The following SNX1 variants were observed in gnomAD, a reference collection of about 807,000 sequenced individuals.
SNX1 encodes sorting nexin-1.
In SNX1, 36 loss-of-function variants were observed where a neutral mutation model predicts 71.8. The ratio of observed to expected loss-of-function variants is 0.50; its 90% confidence interval spans 0.38 to 0.66. SNX1 has a LOEUF of 0.66. Among genes scored for constraint, SNX1 ranks in the 30% least tolerant of loss-of-function variants. The pLI, the probability that SNX1 is intolerant of heterozygous loss-of-function variation, is 0.00. For synonymous variants in SNX1, 254 were observed against 240.7 expected (o/e 1.06, Z -0.51); for missense variants, 612 against 646.7 (o/e 0.95, Z 0.58).
intron 5 of SNX1, among the ~76,000 whole-genome samples, chr15:64,124,147 C>CATATATCTATATATATATAT (rs1555491929): frequency 9.5e-6 from 1 of 105,434 alleles, no homozygotes; most frequent in Non-Finnish European, 1.7e-5. Flanking sequence ...GAAATCTTTA[C>CATATATCTATATATATATAT]ATATATATAT....
At chr15:64,127,654 C>A in intron 7 of SNX1, 77 bp from the exon 8 acceptor site, 2 of 996,234 alleles carry the variant, frequency 2.0e-6, no homozygotes, top group South Asian at 1.4e-5. Context: ...GACATGGTAT[C>A]ACTGCCAGCA....
rs1347450821 is a variant in SNX1, at chr15:64,138,188, C to T, written c.*570C>T. 1.3e-6 allele frequency: 2 copies of T among 1,534,894 alleles called. No homozygotes were observed. The highest frequency in any genetic ancestry group is 2.4e-5 in the East Asian group (1 of 40,914). On this transcript the variant is annotated 3_prime_UTR_variant, in exon 15 of 15. Coordinates refer to ENST00000559844, the MANE Select transcript of SNX1 (RefSeq NM_003099.5). ...TCTTTCTCTCCGCCTACCTCAGCTA[C>T]CTGTTCTGAGGGTCTCAATCTGTTT...
intron 1 of SNX1, among the ~76,000 whole-genome samples, chr15:64,101,499 T>G (rs1245050986): frequency 1.2e-4 from 19 of 152,380 alleles, no homozygotes; most frequent in Non-Finnish European, 1.0e-4. Flanking sequence ...ACATTTTATT[T>G]ATCTGCCAGT....
chr15:64,128,611 T>C (rs2081276813), intron 8 of SNX1, among the ~76,000 whole-genome samples: 1 of 151,992 alleles, frequency 6.6e-6, no homozygotes, highest in Non-Finnish European at 1.5e-5. Flanking sequence ...AATGAGGGGG[T>C]TTTCTCCTCT....
At chr15:64,126,349 G>A in intron 6 of SNX1, 129 bp downstream of exon 6, 1 of 1,067,554 alleles carries the variant, frequency 9.4e-7, no homozygotes, top group East Asian at 2.6e-5. Context: ...CATTTCCAGT[G>A]TTTTCCTACA....
chr15:64,109,350 A>G (rs552670502), intron 1 of SNX1, among the ~76,000 whole-genome samples: 48 of 152,292 alleles, frequency 3.2e-4, no homozygotes, highest in African/African-American at 1.1e-3. Flanking sequence ...ATTAAAGAAA[A>G]AAAAAGAAAA....
At chr15:64,120,338 C>G (rs1045033393) in intron 4 of SNX1, among the ~76,000 whole-genome samples, 4 of 133,716 alleles carry the variant, frequency 3.0e-5, no homozygotes, top group Non-Finnish European at 6.1e-5. Context: ...GTGGTATGAT[C>G]ACAGCTCACT....
intron 1 of SNX1, among the ~76,000 whole-genome samples, chr15:64,109,022 G>A (rs1032716713): frequency 6.6e-6 from 1 of 151,642 alleles, no homozygotes; most frequent in East Asian, 1.9e-4. Flanking sequence ...GAAAGTTGGG[G>A]AGGGGTACTG....
intron 1 of SNX1, among the ~76,000 whole-genome samples, chr15:64,100,503 G>C (rs1377295702): frequency 6.6e-6 from 1 of 151,480 alleles, no homozygotes; most frequent in Non-Finnish European, 1.5e-5. Context: ...TGGAGGCTGA[G>C]GCAAGAGAAT....
rs562900234 is a variant in SNX1 at position 64,123,496 on chromosome 15, C to T, written c.467-7C>T. 8 of 1,613,168 alleles carry T rather than the reference C, an allele frequency of 5.0e-6. No homozygotes were observed. The African/African-American group carries it at 1.1e-4, about 22-fold the overall frequency. ...AGATAATCTTCTGCTTTCTTGTTCT[C>T]TCACAGGGGATGGTATGAATGCATA... is the stretch of plus-strand genomic sequence containing the variant. On this transcript the variant is annotated splice_polypyrimidine_tract_variant and splice_region_variant and intron_variant, in intron 4 of 14. Coordinates refer to ENST00000559844, the MANE Select transcript of SNX1 (RefSeq NM_003099.5).
At chr15:64,097,413 A>G (rs193023733) in intron 1 of SNX1, among the ~76,000 whole-genome samples, 7 of 151,884 alleles carry the variant, frequency 4.6e-5, no homozygotes, top group Admixed American at 6.6e-5. Flanking sequence ...GTCAGCACGA[A>G]TTGGCCTTAG....
At chr15:64,119,721 C>CT in intron 4 of SNX1, among the ~76,000 whole-genome samples, 1 of 95,914 alleles carries the variant, frequency 1.0e-5, no homozygotes, top group East Asian at 4.3e-4. Context: ...AAGACTGTGT[C>CT]TTAAAAAAAA....
chr15:64,131,576 T>G, intron 10 of SNX1, 111 bp from the exon 11 acceptor site: 1 of 963,864 alleles, frequency 1.0e-6, no homozygotes, highest in Non-Finnish European at 1.6e-6. Context: ...AGCCCTCAGT[T>G]CCCAGATATG....
chr15:64,134,863 A>G lies in SNX1; in HGVS notation c.1365+56A>G, dbSNP rs1435380697. ...TGTTCTGCTGGTTCCAAATGAACCCAGGGCCCATCCCACCCAGAGGTTTGG... is the reference window on the plus strand; with the variant it reads ...TGTTCTGCTGGTTCCAAATGAACCCGGGGCCCATCCCACCCAGAGGTTTGG... On this transcript the variant is annotated intron_variant, in intron 12 of 14. Transcript: ENST00000559844. This position sits in a 1 kb window ranked among gnomAD's most constrained non-coding sequence, Gnocchi z 4.1. 9.4e-6 allele frequency: 15 copies of G among 1,597,890 alleles called. No homozygotes were observed. Among genetic ancestry groups the G allele is most frequent in the Non-Finnish European group, 1.3e-5 (15 of 1,171,752 alleles).
At chr15:64,109,321 A>C (rs2081054600) in intron 1 of SNX1, among the ~76,000 whole-genome samples, 1 of 152,096 alleles carries the variant, frequency 6.6e-6, no homozygotes, top group East Asian at 1.9e-4. Flanking sequence ...GCAGTGAGCC[A>C]AGACCACGCC....
At chr15:64,106,744 A>G (rs1315489050) in intron 1 of SNX1, among the ~76,000 whole-genome samples, 1 of 152,218 alleles carries the variant, frequency 6.6e-6, no homozygotes, top group Non-Finnish European at 1.5e-5. Flanking sequence ...GGCTTTGAAG[A>G]TGGAAGAAGT....
intron 2 of SNX1, among the ~76,000 whole-genome samples, chr15:64,116,009 G>A (rs534342200): frequency 1.4e-4 from 21 of 152,126 alleles, no homozygotes; most frequent in Non-Finnish European, 2.8e-4. Flanking sequence ...CAATGCAGGC[G>A]CAGTCAAAAA....
At chr15:64,100,142 C>T (rs138245281) in intron 1 of SNX1, among the ~76,000 whole-genome samples, 10 of 152,250 alleles carry the variant, frequency 6.6e-5, no homozygotes, top group Middle Eastern at 3.4e-3. Context: ...ATGGTATGCC[C>T]GTAATTTCCT....
intron 4 of SNX1, among the ~76,000 whole-genome samples, chr15:64,119,293 A>AT (rs1336060941): frequency 1.3e-5 from 2 of 151,412 alleles, no homozygotes; most frequent in Non-Finnish European, 2.9e-5. Flanking sequence ...ATGCCGACTA[A>AT]TTCTTTTTTT....
Sources: allele counts gnomAD v4.1 joint callset (sites outside exome capture counted in the v4.1 genomes callset), GRCh38; gene constraint gnomAD v4.1.1; non-coding constraint Gnocchi (gnomAD v3.1); transcripts MANE v1.5; gene names NCBI Gene and HGNC (gene_info 2026-07-23, HGNC 2026-07-21).